Variants in RAPGEF2 observed in about 807,000 individuals in gnomAD.
The protein encoded by RAPGEF2 is Rap guanine nucleotide exchange factor 2.
A neutral mutation model predicts 186.7 loss-of-function variants in RAPGEF2; 54 were observed. That is an observed-to-expected ratio of 0.29 (90% CI 0.23 to 0.36). RAPGEF2 has a LOEUF of 0.36. RAPGEF2 is among the 10% of genes least tolerant of loss of function. The pLI is 1.00. For missense variants in RAPGEF2, 1,532 were observed against 2,045.0 expected (o/e 0.75, Z 4.84); for synonymous variants, 712 against 705.9 (o/e 1.01, Z -0.14).
chr4:159,147,403 G>T (rs1321741651), intron 1 of RAPGEF2, among the ~76,000 whole-genome samples: 1 of 151,382 alleles, frequency 6.6e-6, no homozygotes. Flanking sequence ...AACTGGAAAA[G>T]TTCGTAGAAA....
intron 7 of RAPGEF2, among the ~76,000 whole-genome samples, chr4:159,251,574 T>TCTC (rs1298586114): frequency 2.6e-5 from 4 of 152,112 alleles, no homozygotes; most frequent in Non-Finnish European, 4.4e-5. Context: ...CAATCAGCAC[T>TCTC]CTGTCTAGCT....
At chr4:159,345,525 G>A (rs753689445) in intron 24 of RAPGEF2, among the ~76,000 whole-genome samples, 196 bp downstream of exon 24, 4 of 152,168 alleles carry the variant, frequency 2.6e-5, no homozygotes, top group Admixed American at 6.5e-5. Flanking sequence ...CATGTCAACT[G>A]GGTTAGTATG....
In RAPGEF2 at chr4:159,330,384, A is replaced by G; in HGVS notation, c.1353A>G (p.Val451=). 1 of 1,603,038 alleles carries G rather than the reference A, an allele frequency of 6.2e-7. No homozygotes were observed. The highest frequency in any genetic ancestry group is 1.3e-5 in the African/African-American group (1 of 74,328). The part of the protein sequence containing the change: ...TMHLVEEHSV[V]DPTFIEDFLL... The stretch of plus-strand genomic sequence containing the variant: ...ATTTGGTGGAAGAGCATTCAGTAGT[A>G]GATCCAACATTCATAGAAGACTTTC... The change falls in exon 13 of 30, where the codon GTA becomes GTG. Residue 451 remains valine (V), a synonymous_variant. Coordinates refer to ENST00000691494, the MANE Select transcript of RAPGEF2 (RefSeq NM_001394067.2).
chr4:159,295,792 T>C (rs1252777741), intron 7 of RAPGEF2, among the ~76,000 whole-genome samples: 1 of 151,496 alleles, frequency 6.6e-6, no homozygotes. Flanking sequence ...TAATGTTTTT[T>C]CTGACCTTCA....
At chr4:159,320,612 A>G (rs1242064695) in intron 9 of RAPGEF2, among the ~76,000 whole-genome samples, 1 of 152,118 alleles carries the variant, frequency 6.6e-6, no homozygotes, top group Non-Finnish European at 1.5e-5. Context: ...CTGTGTAATG[A>G]AAAGTCTTAT....
At chr4:159,161,772 A>G (rs1307482304) in intron 1 of RAPGEF2, among the ~76,000 whole-genome samples, 2 of 152,226 alleles carry the variant, frequency 1.3e-5, no homozygotes, top group African/African-American at 4.8e-5. Flanking sequence ...ATCACAGCCA[A>G]ACATAATTGC....
intron 7 of RAPGEF2, among the ~76,000 whole-genome samples, chr4:159,304,093 T>C (rs1215882825): frequency 6.6e-6 from 1 of 152,178 alleles, no homozygotes; most frequent in African/African-American, 2.4e-5. Context: ...TTTATCTTAA[T>C]AACCAAACCC....
chr4:159,327,994 A>G (rs1172867615), intron 11 of RAPGEF2: 1 of 152,130 alleles, frequency 6.6e-6, no homozygotes, highest in African/African-American at 2.4e-5. Flanking sequence ...TAATTTTAGT[A>G]CATTTCTCTT....
At chr4:159,345,527 G>A in intron 24 of RAPGEF2, among the ~76,000 whole-genome samples, 198 bp downstream of exon 24, 1 of 152,158 alleles carries the variant, frequency 6.6e-6, no homozygotes, top group East Asian at 1.9e-4. Context: ...TGTCAACTGG[G>A]TTAGTATGTG....
intron 1 of RAPGEF2, among the ~76,000 whole-genome samples, chr4:159,109,321 G>A (rs921921484): frequency 1.3e-5 from 2 of 151,994 alleles, no homozygotes; most frequent in African/African-American, 4.8e-5. Context: ...GCAAGGCCCC[G>A]TTTCTATTTA....
intron 3 of RAPGEF2, among the ~76,000 whole-genome samples, chr4:159,203,934 C>G (rs1749705242): frequency 6.6e-6 from 1 of 152,222 alleles, no homozygotes. Context: ...GATCACGTGG[C>G]TAGCGTGGAA....
At chr4:159,246,101 A>G (rs889298311) in intron 7 of RAPGEF2, among the ~76,000 whole-genome samples, 2 of 152,152 alleles carry the variant, frequency 1.3e-5, no homozygotes, top group Non-Finnish European at 2.9e-5. Flanking sequence ...ATGAAAACTT[A>G]TTGGTCGTGT....
chr4:159,284,080 A>G (rs55837961), intron 7 of RAPGEF2, among the ~76,000 whole-genome samples: 28,473 of 152,200 alleles, frequency 0.19, 2,814 homozygotes, highest in Admixed American at 0.25. Context: ...AAAAATGACC[A>G]ATGTCAGGCT....
At chr4:159,188,922 G>T (rs1324543063) in intron 2 of RAPGEF2, among the ~76,000 whole-genome samples, 1 of 152,184 alleles carries the variant, frequency 6.6e-6, no homozygotes, top group African/African-American at 2.4e-5. Context: ...TTGTGTTGAA[G>T]TCATATTAAT....
At chr4:159,156,059 A>G (rs1008890041) in intron 1 of RAPGEF2, among the ~76,000 whole-genome samples, 4 of 152,170 alleles carry the variant, frequency 2.6e-5, no homozygotes, top group African/African-American at 9.7e-5. Context: ...TTATGTCTCA[A>G]TTTCTGTAGG....
chr4:159,172,980 G>T (rs1463755296), intron 1 of RAPGEF2, among the ~76,000 whole-genome samples: 1 of 152,088 alleles, frequency 6.6e-6, no homozygotes, highest in Non-Finnish European at 1.5e-5. Flanking sequence ...GTCTAAAAGA[G>T]ATCAATTTTG....
At chr4:159,177,491 A>G (rs890666206) in intron 1 of RAPGEF2, among the ~76,000 whole-genome samples, 5 of 152,198 alleles carry the variant, frequency 3.3e-5, no homozygotes, top group African/African-American at 9.7e-5. Flanking sequence ...TGGTCTCACT[A>G]ACAAACCCAG....
chr4:159,270,181 C>T (rs1010147502), intron 7 of RAPGEF2, among the ~76,000 whole-genome samples: 1 of 152,216 alleles, frequency 6.6e-6, no homozygotes, highest in African/African-American at 2.4e-5. Flanking sequence ...GAGTTGGCAG[C>T]TTACAACATC....
chr4:159,344,106 T>C (rs1409066548), intron 23 of RAPGEF2, 47 bp downstream of exon 23: 7 of 1,516,836 alleles, frequency 4.6e-6, no homozygotes. Context: ...CTTATTCTGC[T>C]CATTGCATTG....
Sources: allele counts gnomAD v4.1 joint callset (sites outside exome capture counted in the v4.1 genomes callset), GRCh38; gene constraint gnomAD v4.1.1; transcripts MANE v1.5; gene names NCBI Gene and HGNC (gene_info 2026-07-23, HGNC 2026-07-21).